DSC3: variants seen among roughly 807,000 people sequenced by gnomAD.
The protein encoded by DSC3 is desmocollin 3, also known as desmocollin-3.
Under a neutral mutation model 89.5 loss-of-function variants are expected in DSC3, and 97 were observed. That is an observed-to-expected ratio of 1.08 (90% CI 0.92 to 1.28). The LOEUF is 1.28. DSC3 is among the 50% of genes most tolerant of loss of function. The probability of loss-of-function intolerance (pLI) is 0.00; values close to 1 mark genes in which losing one functional copy is unlikely to be tolerated. For synonymous variants in DSC3, 436 were observed against 384.1 expected (o/e 1.14, Z -1.58); for missense variants, 1,199 against 1,085.3 (o/e 1.10, Z -1.47).
rs1222542700 is a variant in DSC3, at chr18:30,993,914, TAAA to T, written c.*258_*260del. On this transcript the variant is annotated 3_prime_UTR_variant, in exon 16 of 16. Transcript: ENST00000360428. ...AGCATATTTATTACTAAAATATCCG[TAAA>T]AAAAAAAAAGAGCAGATGCTTTAGA... The T allele has an allele frequency of 1.3e-5, 4 of 303,646 alleles. No individual in the cohort carries two copies. The highest frequency in any genetic ancestry group is 7.0e-5 in the East Asian group (1 of 14,316). 18.8% of individuals were successfully genotyped at this position (303,646 alleles called of 1,614,324 possible).
intron 7 of DSC3, among the ~76,000 whole-genome samples, chr18:31,020,786 T>C (rs1985392468): frequency 6.6e-6 from 1 of 151,646 alleles, no homozygotes; most frequent in African/African-American, 2.4e-5. Context: ...CCACAAACAA[T>C]AAAAAAATCA....
At chr18:31,011,419 C>A (rs1357907040) in intron 9 of DSC3, among the ~76,000 whole-genome samples, 1 of 152,130 alleles carries the variant, frequency 6.6e-6, no homozygotes, top group Non-Finnish European at 1.5e-5. Context: ...CAGAGCAATT[C>A]TTGGTTTGGC....
At chr18:31,032,029 C>G (rs1275769336) in intron 2 of DSC3, among the ~76,000 whole-genome samples, 163 bp downstream of exon 2, 1 of 152,122 alleles carries the variant, frequency 6.6e-6, no homozygotes. Context: ...ATATTTCTCT[C>G]TTCACATTTT....
At chr18:31,022,294 T>A in intron 7 of DSC3, 42 bp downstream of exon 7, 1 of 1,612,532 alleles carries the variant, frequency 6.2e-7, no homozygotes. Context: ...GAGGGAAGCT[T>A]AATCCTCAGC....
At position 30,989,371 on chromosome 18, in the gene DSC3, C is replaced by A. The variant is rs1257778686; in HGVS notation, c.*4804G>T. The stretch of plus-strand genomic sequence containing the variant: ...CCAGACACACAAGGCCACATATGTA[C>A]GATTTCATTTATATGAATGTCCAGA... On this transcript the variant is annotated 3_prime_UTR_variant, in exon 16 of 16. Coordinates refer to ENST00000360428, the MANE Select transcript of DSC3 (RefSeq NM_001941.5). Among the ~76,000 whole-genome samples, 1 of 152,050 alleles carries A rather than the reference C, an allele frequency of 6.6e-6. No individual in the cohort carries two copies. The highest frequency in any genetic ancestry group is 2.1e-4 in the South Asian group (1 of 4,830).
chr18:30,999,462 C>G (rs1255017488), intron 14 of DSC3, among the ~76,000 whole-genome samples: 1 of 151,278 alleles, frequency 6.6e-6, no homozygotes, highest in Non-Finnish European at 1.5e-5. Flanking sequence ...AAAAAAAAAC[C>G]CTCCTAATTA....
intron 8 of DSC3, 89 bp downstream of exon 8, chr18:31,018,577 A>G: frequency 7.3e-7 from 1 of 1,371,002 alleles, no homozygotes; most frequent in South Asian, 1.2e-5. Context: ...AAAGTATGAT[A>G]CTTCATGAAG....
rs201794331 is a variant in DSC3, at chr18:31,008,289, A to G, written c.1500T>C (p.Asn500=). ...INGYKAYDPE[N]RNGNGLRYKK... is the part of the protein sequence containing the mutation. ...TTTACCTTAAACCATTGCCATTTCT[A>G]TTTTCGGGGTCATATGCCTTATAGC... Residue 500 remains asparagine (N), a synonymous_variant, in exon 10 of 16, where the codon AAT becomes AAC. Coordinates refer to ENST00000360428, the MANE Select transcript of DSC3 (RefSeq NM_001941.5). 4.2e-3 allele frequency: 6,716 copies of G among 1,614,002 alleles called. 305 individuals carry two copies. The South Asian group carries it at 0.07, about 17-fold the overall frequency.
At chr18:31,033,259 C>A (rs1332341229) in intron 1 of DSC3, among the ~76,000 whole-genome samples, 2 of 151,866 alleles carry the variant, frequency 1.3e-5, no homozygotes, top group African/African-American at 4.8e-5. Context: ...TCCCAGATAA[C>A]TTTTTTTGAA....
At chr18:31,018,348 A>C (rs928734414) in intron 8 of DSC3, 92 bp from the exon 9 acceptor site, 2 of 902,282 alleles carry the variant, frequency 2.2e-6, no homozygotes, top group Non-Finnish European at 3.3e-6. Context: ...ACTTACCATT[A>C]TAATTTTATA....
intron 14 of DSC3, among the ~76,000 whole-genome samples, chr18:30,998,225 G>A (rs1381784435): frequency 6.6e-6 from 1 of 152,136 alleles, no homozygotes; most frequent in Non-Finnish European, 1.5e-5. Context: ...CCTAAGCCAA[G>A]GAGGAAGCAG....
Position 30,989,390 on chromosome 18 carries a change from G to T in DSC3, c.*4785C>A, listed in dbSNP as rs2047084. ...TATGTACGATTTCATTTATATGAAT[G>T]TCCAGAGTAGGCAAATCCATAGAGA... On this transcript the variant is annotated 3_prime_UTR_variant, in exon 16 of 16. Coordinates refer to ENST00000360428, the MANE Select transcript of DSC3 (RefSeq NM_001941.5). Among the ~76,000 whole-genome samples, 1,806 of 152,256 alleles carry T rather than the reference G, an allele frequency of 0.012. 35 individuals are homozygous for T. The highest frequency in any genetic ancestry group is 0.041 in the African/African-American group (1,694 of 41,546).
intron 1 of DSC3, among the ~76,000 whole-genome samples, chr18:31,038,704 T>A (rs116778643): frequency 0.011 from 1,729 of 152,212 alleles, 34 homozygotes; most frequent in African/African-American, 0.04. Flanking sequence ...ATACCAAAGA[T>A]TACATATAGC....
intron 7 of DSC3, among the ~76,000 whole-genome samples, chr18:31,020,054 G>A (rs1985367257): frequency 6.6e-6 from 1 of 152,122 alleles, no homozygotes; most frequent in Admixed American, 6.5e-5. Flanking sequence ...GTTGGCAAAG[G>A]GGTAGAAATA....
intron 4 of DSC3, among the ~76,000 whole-genome samples, chr18:31,028,409 G>A (rs936215721): frequency 9.2e-5 from 14 of 152,120 alleles, no homozygotes; most frequent in African/African-American, 3.4e-4. Context: ...GTTTTGCAAA[G>A]CAAAGGCTAA....
intron 12 of DSC3, among the ~76,000 whole-genome samples, chr18:31,006,306 A>T (rs1984839367): frequency 1.3e-5 from 2 of 151,354 alleles, no homozygotes; most frequent in Non-Finnish European, 2.9e-5. Context: ...TATTATTATT[A>T]TTATTATTTT....
chr18:31,028,357 A>C (rs1985671982), intron 4 of DSC3, among the ~76,000 whole-genome samples: 1 of 152,138 alleles, frequency 6.6e-6, no homozygotes, highest in Non-Finnish European at 1.5e-5. Flanking sequence ...AGCTATGTCA[A>C]ATGTAAATAT....
At chr18:31,010,316 A>G (rs111542747) in intron 9 of DSC3, among the ~76,000 whole-genome samples, 169 of 152,338 alleles carry the variant, frequency 1.1e-3, no homozygotes, top group Non-Finnish European at 2.2e-3. Context: ...CACACATTTC[A>G]TGTGCTGGTG....
chr18:31,034,068 G>T (rs1985892603), intron 1 of DSC3, among the ~76,000 whole-genome samples: 1 of 152,184 alleles, frequency 6.6e-6, no homozygotes, highest in African/African-American at 2.4e-5. Context: ...CTCGTGATCC[G>T]CCCGCCTCGG....
Sources: gnomAD v4.1 joint callset for allele counts (sites outside exome capture counted in the v4.1 genomes callset) on GRCh38, gnomAD v4.1.1 for gene constraint, MANE v1.5 for transcripts, NCBI Gene and HGNC (gene_info 2026-07-23, HGNC 2026-07-21) for gene names.